ULK4: variants seen among roughly 807,000 people sequenced by gnomAD.
The protein encoded by ULK4 is unc-51 like kinase 4, also known as inactive serine/threonine-protein kinase ULK4.
A neutral mutation model predicts 160.6 loss-of-function variants in ULK4; 133 were observed. That is an observed-to-expected ratio of 0.83 (90% confidence interval 0.72 to 0.96). ULK4 has a LOEUF of 0.96. ULK4 is among the 40% of genes least tolerant of loss of function. The pLI is 0.00. For missense variants in ULK4, 1,580 were observed against 1,499.5 expected (o/e 1.05, Z -0.89); for synonymous variants, 534 against 539.8 (o/e 0.99, Z 0.15).
Position 41,717,846 on chromosome 3 carries a change from G to T in ULK4, c.2337C>A (p.Ile779=). The T allele has an allele frequency of 6.2e-7, 1 of 1,613,928 alleles. No homozygotes were observed. ...GAGTGGTCTTTCTGCTGTCTCTCTCGATGTACATCACCAGTCTACATACAG... is the reference window on the plus strand; with the variant it reads ...GAGTGGTCTTTCTGCTGTCTCTCTCTATGTACATCACCAGTCTACATACAG... ...LSCQARLVMY[I]ERDSRKTTPG... is the part of the protein sequence containing the mutation. The change falls in exon 23 of 37, where the codon ATC becomes ATA. Residue 779 remains isoleucine, a synonymous_variant. Transcript: ENST00000301831.
intron 30 of ULK4, among the ~76,000 whole-genome samples, chr3:41,629,725 C>T (rs1159921859): frequency 6.6e-6 from 1 of 152,098 alleles, no homozygotes; most frequent in South Asian, 2.1e-4. Flanking sequence ...CATGGTGGCA[C>T]ATGCCTATAA....
At chr3:41,572,828 G>A (rs1387580674) in intron 31 of ULK4, among the ~76,000 whole-genome samples, 1 of 150,940 alleles carries the variant, frequency 6.6e-6, no homozygotes, top group Non-Finnish European at 1.5e-5. Context: ...ACAATTACAG[G>A]AAACGAAAGA....
chr3:41,356,550 A>G (rs534444471), intron 35 of ULK4, among the ~76,000 whole-genome samples: 1 of 152,224 alleles, frequency 6.6e-6, no homozygotes, highest in African/African-American at 2.4e-5. Context: ...CAGTGCAAAA[A>G]GGCAGTTGTG....
chr3:41,939,797 C>T (rs1217010956), intron 2 of ULK4, among the ~76,000 whole-genome samples: 3 of 152,084 alleles, frequency 2.0e-5, no homozygotes, highest in Admixed American at 6.5e-5. Flanking sequence ...CGCTTGAGCT[C>T]GCCTCCTGTC....
At chr3:41,302,192 A>T (rs1380566980) in intron 35 of ULK4, among the ~76,000 whole-genome samples, 3 of 152,262 alleles carry the variant, frequency 2.0e-5, no homozygotes, top group African/African-American at 7.2e-5. Context: ...AATATAAATG[A>T]GCAAATGTTA....
At chr3:41,690,030 T>C (rs13327714) in intron 27 of ULK4, among the ~76,000 whole-genome samples, 7,837 of 147,214 alleles carry the variant, frequency 0.053, 313 homozygotes, top group African/African-American at 0.14. Context: ...AGCAAAGACT[T>C]GGAACCAACC....
At chr3:41,910,707 A>G (rs908455518) in intron 11 of ULK4, among the ~76,000 whole-genome samples, 4 of 152,202 alleles carry the variant, frequency 2.6e-5, no homozygotes, top group Admixed American at 2.0e-4. Flanking sequence ...CCTTCAAAGC[A>G]TTAACAACAA....
chr3:41,896,957 CA>C lies in ULK4; in HGVS notation c.1394del (p.Leu465CysfsTer22). 6.2e-7 allele frequency: 1 copy of C among 1,611,898 alleles called. No homozygotes were observed. Among genetic ancestry groups the C allele is most frequent in the Non-Finnish European group, 8.5e-7 (1 of 1,179,448 alleles). On this transcript the variant is annotated frameshift_variant, in exon 15 of 37. Coordinates refer to ENST00000301831, the MANE Select transcript of ULK4 (RefSeq NM_017886.4). LOFTEE classifies it high-confidence loss of function. The part of the protein sequence containing the change: ...FLKDQDWNDF[L>X]QQVCSQIDST... ...AGTCGATCTGCGAGCACACTTGTTGCAAAAAGTCATTCCAATCTTGATCTTT... is the reference window on the plus strand; with the variant it reads ...AGTCGATCTGCGAGCACACTTGTTGCAAAAGTCATTCCAATCTTGATCTTT...
At chr3:41,573,620 G>A (rs528168432) in intron 31 of ULK4, among the ~76,000 whole-genome samples, 1 of 152,070 alleles carries the variant, frequency 6.6e-6, no homozygotes. Flanking sequence ...AGAGAATAAA[G>A]AGCAAAGCAC....
At chr3:41,278,670 G>C (rs532132819) in intron 35 of ULK4, among the ~76,000 whole-genome samples, 3 of 152,280 alleles carry the variant, frequency 2.0e-5, no homozygotes, top group African/African-American at 7.2e-5. Context: ...GTCTGGAGTG[G>C]ACCTCCAGCA....
At chr3:41,567,994 TAC>T (rs975441689) in intron 31 of ULK4, among the ~76,000 whole-genome samples, 6 of 152,214 alleles carry the variant, frequency 3.9e-5, no homozygotes, top group Non-Finnish European at 7.3e-5. Context: ...ACAACTCAGC[TAC>T]AGACTATTCA....
intron 34 of ULK4, among the ~76,000 whole-genome samples, chr3:41,431,622 C>T (rs114155078): frequency 0.018 from 2,496 of 138,790 alleles, 62 homozygotes; most frequent in Non-Finnish European, 0.023. Context: ...ATCAGTAAAG[C>T]CTACTCAACC....
intron 34 of ULK4, among the ~76,000 whole-genome samples, chr3:41,423,193 A>C (rs1273452820): frequency 6.6e-6 from 1 of 152,224 alleles, no homozygotes; most frequent in Non-Finnish European, 1.5e-5. Flanking sequence ...GGATGCAAGG[A>C]CACATGCCAA....
At chr3:41,627,851 A>G (rs2033590137) in intron 30 of ULK4, among the ~76,000 whole-genome samples, 1 of 152,212 alleles carries the variant, frequency 6.6e-6, no homozygotes, top group African/African-American at 2.4e-5. Context: ...GAAAGACTGT[A>G]GGAATTGGCC....
chr3:41,758,285 C>A (rs575537267), intron 21 of ULK4, among the ~76,000 whole-genome samples: 1 of 151,996 alleles, frequency 6.6e-6, no homozygotes, highest in African/African-American at 2.4e-5. Flanking sequence ...TATAGCAGCC[C>A]AAACATACTA....
chr3:41,637,610 CT>C (rs1474351272), intron 30 of ULK4, among the ~76,000 whole-genome samples: 2 of 152,126 alleles, frequency 1.3e-5, no homozygotes, highest in Non-Finnish European at 2.9e-5. Flanking sequence ...TTTGAGGAAC[CT>C]CTATACTGTT....
intron 22 of ULK4, among the ~76,000 whole-genome samples, chr3:41,746,290 A>AAAAAAAAAAAAAAAAAAAAAAC: frequency 7.0e-6 from 1 of 142,838 alleles, no homozygotes; most frequent in African/African-American, 2.6e-5. Flanking sequence ...AAAAAAAAAA[A>AAAAAAAAAAAAAAAAAAAAAAC]AAAAAACCAC....
intron 16 of ULK4, among the ~76,000 whole-genome samples, chr3:41,886,037 G>A (rs1322957660): frequency 1.3e-5 from 2 of 152,030 alleles, no homozygotes; most frequent in African/African-American, 2.4e-5. Flanking sequence ...GTACCCTGGG[G>A]TAATTACTCA....
At chr3:41,282,465 G>C in intron 35 of ULK4, among the ~76,000 whole-genome samples, 1 of 152,120 alleles carries the variant, frequency 6.6e-6, no homozygotes. Flanking sequence ...TAGACCAATG[G>C]AACAGAACAG....
Sources: allele counts gnomAD v4.1 joint callset (sites outside exome capture counted in the v4.1 genomes callset), GRCh38; gene constraint gnomAD v4.1.1; transcripts MANE v1.5; gene names NCBI Gene and HGNC (gene_info 2026-07-23, HGNC 2026-07-21).